Variants in USP26 observed in about 807,000 individuals in gnomAD.
USP26 encodes the protein ubiquitin specific peptidase 26.
For missense variants in USP26, 649 were observed against 642.3 expected, an observed-to-expected ratio of 1.01 and a Z score of -0.11; for synonymous variants, 236 against 240.6, an observed-to-expected ratio of 0.98 and a Z score of 0.18.
At chrX:133,082,454 GT>G (rs1200720344) in intron 5 of USP26, among the ~76,000 whole-genome samples, 1 of 111,769 alleles carries the variant, frequency 8.9e-6, no homozygotes, top group Non-Finnish European at 1.9e-5. Context: ...GTTTTCAGTA[GT>G]TTTTTCTACA....
At chrX:133,043,974 A>T (rs2067428484) in intron 5 of USP26, among the ~76,000 whole-genome samples, 1 of 112,195 alleles carries the variant, frequency 8.9e-6, no homozygotes, top group African/African-American at 3.2e-5. Context: ...CTCAAAAAGA[A>T]GTAAGTCCAC....
intron 5 of USP26, among the ~76,000 whole-genome samples, chrX:133,049,498 T>C (rs1408580675): frequency 8.9e-6 from 1 of 112,399 alleles, no homozygotes. Flanking sequence ...AAAGCACATC[T>C]CTAGAAGAAA....
chrX:133,063,661 T>C (rs1428796096), intron 5 of USP26, among the ~76,000 whole-genome samples: 1 of 111,281 alleles, frequency 9.0e-6, no homozygotes, highest in Non-Finnish European at 1.9e-5. Context: ...ATAAAAACCC[T>C]TACAGGCAAG....
rs1342759712 is a variant in USP26, at chrX:133,036,548, T to C, written c.-76-8252A>G. Among the ~76,000 whole-genome samples, 11 of 112,027 alleles carry C rather than the reference T, an allele frequency of 9.8e-5. No individual in the cohort carries two copies. The Admixed American group carries it at 1.0e-3, about 11-fold the overall frequency. ...GCTGCACGGTATTCCATGGTGTATA[T>C]GTGCCACATTTTCTTTATTCATTCA... is the stretch of plus-strand genomic sequence containing the variant. On this transcript the variant is annotated intron_variant, in intron 5 of 5. Coordinates refer to ENST00000511190, the MANE Select transcript of USP26 (RefSeq NM_031907.3).
intron 5 of USP26, among the ~76,000 whole-genome samples, chrX:133,037,026 T>C (rs1441751252): frequency 8.9e-6 from 1 of 112,239 alleles, no homozygotes; most frequent in Non-Finnish European, 1.9e-5. Flanking sequence ...GATGGGGTTG[T>C]TTTTTTCTTG....
intron 1 of USP26, among the ~76,000 whole-genome samples, chrX:133,096,283 T>C (rs937095722): frequency 3.7e-5 from 4 of 109,441 alleles, no homozygotes; most frequent in Non-Finnish European, 7.6e-5. Context: ...GAAGCACTCT[T>C]CGTGGAATAC....
At chrX:133,068,922 T>G (rs1472283472) in intron 5 of USP26, among the ~76,000 whole-genome samples, 1 of 112,519 alleles carries the variant, frequency 8.9e-6, no homozygotes, top group Non-Finnish European at 1.9e-5. Flanking sequence ...GAGCTAATTA[T>G]TAACTCATAT....
At chrX:133,040,366 G>T (rs972737397) in intron 5 of USP26, among the ~76,000 whole-genome samples, 5 of 111,500 alleles carry the variant, frequency 4.5e-5, no homozygotes, top group African/African-American at 1.6e-4. Context: ...TCCTTCAGGA[G>T]CTCTTGTAAT....
chrX:133,088,482 C>A (rs1395549549), intron 4 of USP26, among the ~76,000 whole-genome samples: 1 of 111,188 alleles, frequency 9.0e-6, no homozygotes, highest in Non-Finnish European at 1.9e-5. Context: ...TTTGCTCGCC[C>A]GGCTGCTTAC....
intron 5 of USP26, among the ~76,000 whole-genome samples, chrX:133,057,844 TTA>T (rs1198872172): frequency 0.011 from 334 of 30,663 alleles, 26 homozygotes; most frequent in East Asian, 0.016. Context: ...ATACTTTACA[TTA>T]TATATATATA....
At chrX:133,037,030 T>A (rs2067398549) in intron 5 of USP26, among the ~76,000 whole-genome samples, 2 of 112,272 alleles carry the variant, frequency 1.8e-5, no homozygotes, top group Non-Finnish European at 3.8e-5. Flanking sequence ...GGGTTGTTTT[T>A]TTCTTGTAAA....
chrX:133,039,258 G>A (rs1410750817), intron 5 of USP26, among the ~76,000 whole-genome samples: 1 of 110,501 alleles, frequency 9.0e-6, no homozygotes, highest in African/African-American at 3.3e-5. Flanking sequence ...GTGATGTTAG[G>A]GTGTCAATTT....
intron 5 of USP26, among the ~76,000 whole-genome samples, chrX:133,061,762 C>T (rs1457984178): frequency 9.0e-6 from 1 of 111,681 alleles, no homozygotes; most frequent in African/African-American, 3.3e-5. Context: ...AGCCTAGACA[C>T]TACACTTTTC....
chrX:133,041,012 G>C (rs909161579), intron 5 of USP26, among the ~76,000 whole-genome samples: 1 of 109,418 alleles, frequency 9.1e-6, no homozygotes, highest in African/African-American at 3.3e-5. Context: ...TATGCTTCAC[G>C]AAGTTCTGCC....
intron 5 of USP26, among the ~76,000 whole-genome samples, chrX:133,044,940 C>T (rs1378202059): frequency 9.0e-6 from 1 of 111,516 alleles, no homozygotes; most frequent in African/African-American, 3.2e-5. Context: ...TGTAAATGCA[C>T]CAATCAGTGC....
chrX:133,027,707 A>G lies in USP26; in HGVS notation c.514T>C (p.Leu172=). ...CTCTTCTTGTGCTGATTTTCTGATA[A>G]CTCTCCGCAAGTAAGTGTCAATTTT... ...TSKLTLTCGE[L]SENQHKKRKR... The change falls in exon 6 of 6, where the codon TTA becomes CTA. Residue 172 remains leucine (L), a synonymous_variant. Coordinates refer to ENST00000511190, the MANE Select transcript of USP26 (RefSeq NM_031907.3). 8.3e-7 allele frequency: 1 copy of G among 1,208,671 alleles called. No individual in the cohort carries two copies. The highest frequency in any genetic ancestry group is 1.7e-5 in the African/African-American group (1 of 57,751).
At chrX:133,078,238 C>A (rs2067557350) in intron 5 of USP26, among the ~76,000 whole-genome samples, 1 of 111,671 alleles carries the variant, frequency 9.0e-6, no homozygotes, top group Admixed American at 9.5e-5. Flanking sequence ...TGCCATGCCT[C>A]TATTTGCCTG....
At position 133,076,084 on chromosome X, in the gene USP26, T is replaced by C. The variant is rs779734958; in HGVS notation, c.-77+7623A>G. On this transcript the variant is annotated intron_variant, in intron 5 of 5. Coordinates refer to ENST00000511190, the MANE Select transcript of USP26 (RefSeq NM_031907.3). Reference sequence around the variant, plus strand: ...AGAAGCCCAAACTGATAGCTTCCAGTACCAAAAATTTCCATATGATTAAGA... The same window carrying C: ...AGAAGCCCAAACTGATAGCTTCCAGCACCAAAAATTTCCATATGATTAAGA... Among the ~76,000 whole-genome samples the C allele has an allele frequency of 5.4e-5, 6 of 111,645 alleles. No individual in the cohort carries two copies. In the South Asian group the frequency reaches 2.3e-3, roughly 43 times the overall value.
intron 4 of USP26, among the ~76,000 whole-genome samples, chrX:133,087,972 C>T (rs968190246): frequency 2.7e-5 from 3 of 111,427 alleles, no homozygotes; most frequent in African/African-American, 9.8e-5. Flanking sequence ...AAGTTCCAGA[C>T]AAGCCTGGGC....
Sources: allele counts gnomAD v4.1 joint callset (sites outside exome capture counted in the v4.1 genomes callset), GRCh38; gene constraint gnomAD v4.1.1; transcripts MANE v1.5; gene names NCBI Gene and HGNC (gene_info 2026-07-23, HGNC 2026-07-21).